The following VPS39 variants were observed in gnomAD, a reference collection of about 807,000 sequenced individuals.
VPS39 encodes vam6/Vps39-like protein.
A neutral mutation model predicts 121.0 loss-of-function variants in VPS39; 70 were observed. The ratio of observed to expected loss-of-function variants is 0.58; its 90% CI spans 0.48 to 0.71. The LOEUF (loss-of-function observed/expected upper bound fraction) is 0.71, where lower values mean the gene tolerates loss of function less well. VPS39 is among the 30% of genes least tolerant of loss of function. The probability of loss-of-function intolerance (pLI) is 0.00; values close to 1 mark genes in which losing one functional copy is unlikely to be tolerated. For missense variants in VPS39, 818 were observed against 1,051.5 expected, an observed-to-expected ratio of 0.78 and a Z score of 3.07; for synonymous variants, 378 against 398.1, an observed-to-expected ratio of 0.95 and a Z score of 0.60.
chr15:42,191,317 T>C (rs1187392377), intron 3 of VPS39, 150 bp from the exon 4 acceptor site: 26 of 1,122,646 alleles, frequency 2.3e-5, no homozygotes, highest in Non-Finnish European at 1.4e-5. Context: ...TTTCTGTGAT[T>C]ATCATTTCTG....
intron 2 of VPS39, among the ~76,000 whole-genome samples, chr15:42,199,305 T>A (rs192283818): frequency 9.9e-5 from 15 of 152,282 alleles, no homozygotes; most frequent in African/African-American, 3.6e-4. Context: ...GACAGTCACA[T>A]TTGATTAGAA....
Position 42,173,766 on chromosome 15 carries a change from C to T in VPS39, c.1047G>A (p.Lys349=), listed in dbSNP as rs747665889. ...NLYAFNLFCQ[K]RFDESMQVFA... ...AGACCTGCATGGACTCATCAAAACG[C>T]TTCTGGCAGAAGAGGTTGAAGGCAT... Residue 349 remains lysine, a synonymous_variant, in exon 11 of 25, where the codon AAG becomes AAA. Transcript: ENST00000318006. 3.7e-6 allele frequency: 6 copies of T among 1,614,194 alleles called. No homozygotes were observed. The highest frequency in any genetic ancestry group is 1.7e-5 in the Admixed American group (1 of 60,028).
At chr15:42,182,185 A>G (rs2049595173) in intron 8 of VPS39, among the ~76,000 whole-genome samples, 1 of 152,198 alleles carries the variant, frequency 6.6e-6, no homozygotes, top group Admixed American at 6.5e-5. Flanking sequence ...GATATTTTTC[A>G]TCTTACCAGA....
At chr15:42,164,765 A>C (rs942406169) in intron 18 of VPS39, 7 of 1,426,480 alleles carry the variant, frequency 4.9e-6, no homozygotes, top group Middle Eastern at 2.6e-4. Context: ...TGTTCCTTCC[A>C]CCCTCCCCGA....
intron 20 of VPS39, 86 bp downstream of exon 20, chr15:42,163,540 A>T: frequency 1.0e-5 from 15 of 1,504,304 alleles, no homozygotes; most frequent in Non-Finnish European, 1.3e-5. Flanking sequence ...GCAGTGGAGT[A>T]TGGGGAGATG....
chr15:42,162,461 C>G lies in VPS39; in HGVS notation c.2196G>C (p.Arg732=). The change falls in exon 22 of 25, where the codon CGG becomes CGC. Residue 732 remains arginine, a synonymous_variant. Coordinates refer to ENST00000318006, the MANE Select transcript of VPS39 (RefSeq NM_015289.5). ...GAATGCTGGGGGGCGACAGGTACAT[C>G]CGAAGCAGGGACAGATACACCTGTC... ...GNKDVYLSLL[R]MYLSPPSIHC... is the part of the protein sequence containing the mutation. 1 of 1,608,766 alleles carries G rather than the reference C, an allele frequency of 6.2e-7. No individual in the cohort carries two copies. The highest frequency in any genetic ancestry group is 8.5e-7 in the Non-Finnish European group (1 of 1,176,776).
chr15:42,193,765 AT>A (rs1200649527), intron 2 of VPS39, among the ~76,000 whole-genome samples: 2 of 151,240 alleles, frequency 1.3e-5, no homozygotes, highest in East Asian at 1.9e-4. Context: ...CCATAATTCT[AT>A]TTTTTTTCTT....
At position 42,162,940 on chromosome 15, in the gene VPS39, C is replaced by T. The variant is rs187057497; in HGVS notation, c.2175+410G>A. On this transcript the variant is annotated intron_variant, in intron 21 of 24. Coordinates refer to ENST00000318006, the MANE Select transcript of VPS39 (RefSeq NM_015289.5). ...GGGGGCTGTCCTGTGCATTGTTTAGCAGCATCTCTGGCCTCTACCCCCTGG... is the reference window on the plus strand; with the variant it reads ...GGGGGCTGTCCTGTGCATTGTTTAGTAGCATCTCTGGCCTCTACCCCCTGG... 3.6e-4 allele frequency among the ~76,000 whole-genome samples: 55 copies of T among 152,292 alleles called. No homozygotes were observed. In the Middle Eastern group the frequency reaches 0.014, roughly 38 times the overall value.
At chr15:42,167,632 GC>G in intron 12 of VPS39, 95 bp from the exon 13 acceptor site, 2 of 1,477,782 alleles carry the variant, frequency 1.4e-6, no homozygotes, top group Non-Finnish European at 1.8e-6. Flanking sequence ...ATCAGCTCAT[GC>G]CTATTGGCCT....
chr15:42,187,661 T>C lies in VPS39; in HGVS notation c.441+97A>G. The C allele has an allele frequency of 2.8e-6, 3 of 1,076,132 alleles. No individual in the cohort carries two copies. In the South Asian group the frequency reaches 3.9e-5, roughly 14 times the overall value. The allele number at this position is 1,076,132 out of a possible 1,614,324, so 66.7% of individuals were successfully genotyped here. A position where few individuals can be genotyped will look rare whatever the true frequency, so the allele number is the denominator to read the frequency against. On this transcript the variant is annotated intron_variant, in intron 6 of 24. Coordinates refer to ENST00000318006, the MANE Select transcript of VPS39 (RefSeq NM_015289.5). ...ATGCACTTCATACCAGAGTATTCAT[T>C]TGCGTAGAATGACAAGACTGGAGTC... is the stretch of plus-strand genomic sequence containing the variant.
At chr15:42,165,600 C>T (rs1287922110) in intron 17 of VPS39, 118 bp downstream of exon 17, 13 of 771,028 alleles carry the variant, frequency 1.7e-5, no homozygotes, top group Non-Finnish European at 2.8e-5. Flanking sequence ...TGAAATAACC[C>T]TCATCCTTCC....
chr15:42,176,904 T>C (rs538832265), intron 10 of VPS39, among the ~76,000 whole-genome samples: 4 of 152,274 alleles, frequency 2.6e-5, no homozygotes, highest in African/African-American at 9.6e-5. Context: ...AGTTCACATC[T>C]ATAATCCCAG....
At chr15:42,203,827 G>C (rs2050116220) in intron 1 of VPS39, among the ~76,000 whole-genome samples, 1 of 152,228 alleles carries the variant, frequency 6.6e-6, no homozygotes, top group Non-Finnish European at 1.5e-5. Context: ...ACAAAGCTGT[G>C]CATGCACAAC....
At chr15:42,201,625 T>C (rs1044763889) in intron 1 of VPS39, among the ~76,000 whole-genome samples, 1 of 152,222 alleles carries the variant, frequency 6.6e-6, no homozygotes, top group East Asian at 1.9e-4. Flanking sequence ...GGAATTTTCA[T>C]TTCTAACAAC....
intron 1 of VPS39, 108 bp downstream of exon 1, chr15:42,207,973 C>T: frequency 8.2e-7 from 1 of 1,221,510 alleles, no homozygotes; most frequent in Non-Finnish European, 1.2e-6. Flanking sequence ...CGTGTAGCAT[C>T]CAACCGAAGC....
intron 2 of VPS39, chr15:42,191,965 AATTT>A (rs2049836799): frequency 1.4e-6 from 2 of 1,391,712 alleles, no homozygotes; most frequent in Admixed American, 4.0e-5. Context: ...TAGACCAACT[AATTT>A]CCAGCAACTA....
chr15:42,175,761 T>C (rs1476127883), intron 10 of VPS39, among the ~76,000 whole-genome samples: 1 of 151,922 alleles, frequency 6.6e-6, no homozygotes, highest in Non-Finnish European at 1.5e-5. Flanking sequence ...CCCAAACACT[T>C]AGGCCATACC....
chr15:42,198,251 AATAAG>A (rs1316209947), intron 2 of VPS39, among the ~76,000 whole-genome samples: 3 of 152,268 alleles, frequency 2.0e-5, no homozygotes, highest in Non-Finnish European at 4.4e-5. Flanking sequence ...TTGAATGCTG[AATAAG>A]ATAAGCATTT....
intron 2 of VPS39, among the ~76,000 whole-genome samples, chr15:42,197,463 G>A (rs2049966611): frequency 6.6e-6 from 1 of 152,062 alleles, no homozygotes; most frequent in Admixed American, 6.6e-5. Flanking sequence ...TGAGGTGGGA[G>A]GATGGCTTGA....
Sources: gnomAD v4.1 joint callset for allele counts (sites outside exome capture counted in the v4.1 genomes callset) on GRCh38, gnomAD v4.1.1 for gene constraint, MANE v1.5 for transcripts, NCBI Gene and HGNC (gene_info 2026-07-23, HGNC 2026-07-21) for gene names.